The following CCDC175 variants were observed in gnomAD, a reference collection of about 807,000 sequenced individuals.
CCDC175 encodes the protein coiled-coil domain-containing protein 175.
Under a neutral mutation model 114.6 loss-of-function variants are expected in CCDC175, and 100 were observed. The observed-to-expected ratio is 0.87, with a 90% confidence interval of 0.74 to 1.03. The LOEUF (loss-of-function observed/expected upper bound fraction) is 1.03. Ranked by LOEUF, CCDC175 falls within the 50% of genes least tolerant of loss-of-function variation. CCDC175 has a pLI of 0.00. For synonymous variants in CCDC175, 306 were observed against 308.7 expected (o/e 0.99, Z 0.09); for missense variants, 880 against 917.8 (o/e 0.96, Z 0.53).
At chr14:59,533,804 T>C (rs1040888781) in intron 13 of CCDC175, among the ~76,000 whole-genome samples, 1 of 151,758 alleles carries the variant, frequency 6.6e-6, no homozygotes, top group Non-Finnish European at 1.5e-5. Flanking sequence ...CTGGCTAACA[T>C]GGTGAAACCC....
At chr14:59,517,365 A>C (rs960031335) in intron 17 of CCDC175, among the ~76,000 whole-genome samples, 9 of 152,226 alleles carry the variant, frequency 5.9e-5, no homozygotes, top group African/African-American at 2.2e-4. Flanking sequence ...AATTAGCAAA[A>C]GAGGAAATCC....
chr14:59,518,298 A>C (rs1051583894), intron 17 of CCDC175, among the ~76,000 whole-genome samples: 19 of 152,228 alleles, frequency 1.2e-4, no homozygotes, highest in Admixed American at 3.9e-4. Flanking sequence ...AAGCAATGGC[A>C]ACAAAAGCCA....
At chr14:59,529,487 G>A (rs1893937833) in intron 14 of CCDC175, among the ~76,000 whole-genome samples, 1 of 152,144 alleles carries the variant, frequency 6.6e-6, no homozygotes, top group South Asian at 2.1e-4. Flanking sequence ...CATCTCAGCT[G>A]TCATAGTTTC....
In CCDC175 at chr14:59,572,804, T is replaced by C. The variant is rs1896911605; in HGVS notation, c.253A>G (p.Arg85Gly). 3.3e-6 allele frequency: 5 copies of C among 1,498,224 alleles called. No individual in the cohort carries two copies. Among genetic ancestry groups the C allele is most frequent in the Non-Finnish European group, 4.4e-6 (5 of 1,134,270 alleles). 92.8% of individuals were successfully genotyped at this position (1,498,224 alleles called of 1,614,324 possible). A position where few individuals can be genotyped will look rare whatever the true frequency, so the allele number is the denominator to read the frequency against. The change falls in exon 3 of 20, where the codon AGA (arginine) becomes GGA (glycine). Residue 85 changes from arginine (R) to glycine (G), a missense_variant. Transcript: ENST00000537690. Reference sequence around the variant, plus strand: ...TCCAAAAGATCGATTGTGGCTTTTCTCATTTCTTCCTGAAAATTTAAATTA... The same window carrying C: ...TCCAAAAGATCGATTGTGGCTTTTCCCATTTCTTCCTGAAAATTTAAATTA... ...AVAVKKLEEM[R>G]KATIDLLEIE...
At chr14:59,525,658 C>T (rs1385360475) in intron 15 of CCDC175, among the ~76,000 whole-genome samples, 1 of 152,094 alleles carries the variant, frequency 6.6e-6, no homozygotes, top group Non-Finnish European at 1.5e-5. Flanking sequence ...GACCTTGAGA[C>T]AACTTCACAA....
At chr14:59,551,143 A>T in intron 8 of CCDC175, 1 of 348,034 alleles carries the variant, frequency 2.9e-6, no homozygotes, top group Non-Finnish European at 5.1e-6. Context: ...GTTACCAAAA[A>T]ACAGTTCCTC....
chr14:59,562,632 G>A (rs1257966769), intron 6 of CCDC175, among the ~76,000 whole-genome samples: 1 of 152,110 alleles, frequency 6.6e-6, no homozygotes, highest in Non-Finnish European at 1.5e-5. Flanking sequence ...AGGACCCGGA[G>A]GCAAATTTAC....
chr14:59,522,273 A>G (rs996725708), intron 16 of CCDC175, among the ~76,000 whole-genome samples: 10 of 152,368 alleles, frequency 6.6e-5, no homozygotes, highest in Admixed American at 2.0e-4. Flanking sequence ...GTCCAGTTTC[A>G]AGAAAGAAAC....
intron 6 of CCDC175, 40 bp from the exon 7 acceptor site, chr14:59,561,268 C>G (rs771600976): frequency 1.7e-4 from 179 of 1,080,316 alleles, no homozygotes; most frequent in Non-Finnish European, 2.3e-4. Flanking sequence ...CCAATCATCA[C>G]CAAGTGATTC....
At chr14:59,569,009 G>T (rs1896710928) in intron 3 of CCDC175, among the ~76,000 whole-genome samples, 1 of 152,302 alleles carries the variant, frequency 6.6e-6, no homozygotes, top group South Asian at 2.1e-4. Context: ...CTCAGGCTCT[G>T]CTTTTTGGGG....
intron 1 of CCDC175, among the ~76,000 whole-genome samples, chr14:59,576,048 A>C (rs770615989): frequency 6.6e-6 from 1 of 152,172 alleles, no homozygotes; most frequent in South Asian, 2.1e-4. Context: ...GTCTTACCTT[A>C]AGCTTAAGTG....
In CCDC175 at chr14:59,576,664, C is replaced by A. The variant is rs1897141172; in HGVS notation, c.112G>T (p.Gly38Cys). Residue 38 changes from glycine to cysteine, a missense_variant, in exon 1 of 20, where the codon GGC (glycine) becomes TGC (cysteine). Physicochemically the swap from Gly to Cys is radical, Grantham distance 159 (BLOSUM62 -3). Coordinates refer to ENST00000537690, the MANE Select transcript of CCDC175 (RefSeq NM_001164399.2). ...AGCGCCTCGACCGCGACCGAGGAGCCCAGGGTGGAGGGTAAGGTGCATAAC... is the reference window on the plus strand; with the variant it reads ...AGCGCCTCGACCGCGACCGAGGAGCACAGGGTGGAGGGTAAGGTGCATAAC... ...LELCTLPSTL[G>C]SSVAVEALEQ... 1 of 1,481,892 alleles carries A rather than the reference C, an allele frequency of 6.7e-7. No individual in the cohort carries two copies. Among genetic ancestry groups the A allele is most frequent in the African/African-American group, 1.5e-5 (1 of 68,786 alleles). The allele number at this position is 1,481,892 out of a possible 1,614,324, so 91.8% of individuals were successfully genotyped here. A position where few individuals can be genotyped will look rare whatever the true frequency, so the allele number is the denominator to read the frequency against.
chr14:59,518,259 G>C (rs1446829303), intron 17 of CCDC175, among the ~76,000 whole-genome samples: 3 of 152,090 alleles, frequency 2.0e-5, no homozygotes, highest in African/African-American at 7.2e-5. Flanking sequence ...ACATAGGCAT[G>C]GGCAAGGACT....
intron 7 of CCDC175, among the ~76,000 whole-genome samples, chr14:59,556,017 T>C (rs1165117026): frequency 6.6e-6 from 1 of 152,124 alleles, no homozygotes; most frequent in African/African-American, 2.4e-5. Context: ...GTAGAATCAA[T>C]ATCATGAAAA....
At chr14:59,566,784 A>G (rs1896573124) in intron 4 of CCDC175, among the ~76,000 whole-genome samples, 1 of 152,178 alleles carries the variant, frequency 6.6e-6, no homozygotes, top group Non-Finnish European at 1.5e-5. Flanking sequence ...GAGTCTGTGA[A>G]CACTTTGATA....
At chr14:59,532,133 T>C (rs919622414) in intron 13 of CCDC175, among the ~76,000 whole-genome samples, 41 of 152,194 alleles carry the variant, frequency 2.7e-4, no homozygotes, top group Non-Finnish European at 2.4e-4. Context: ...TTAGATTCAA[T>C]TGGTTCTCTA....
At chr14:59,557,630 A>AG (rs1026962374) in intron 7 of CCDC175, among the ~76,000 whole-genome samples, 3 of 101,286 alleles carry the variant, frequency 3.0e-5, no homozygotes, top group African/African-American at 8.3e-5. Context: ...AAAAAGAAAA[A>AG]GAAAAAAAAA....
At chr14:59,514,570 T>C (rs1257149943) in intron 17 of CCDC175, among the ~76,000 whole-genome samples, 1 of 152,112 alleles carries the variant, frequency 6.6e-6, no homozygotes, top group Non-Finnish European at 1.5e-5. Context: ...CTATCAGTGA[T>C]GGAAGATCAA....
At chr14:59,517,553 G>C (rs1377271097) in intron 17 of CCDC175, among the ~76,000 whole-genome samples, 4 of 152,298 alleles carry the variant, frequency 2.6e-5, no homozygotes. Context: ...CAAATCGTGA[G>C]TGAACTCCCA....
Sources: allele counts gnomAD v4.1 joint callset (sites outside exome capture counted in the v4.1 genomes callset), GRCh38; gene constraint gnomAD v4.1.1; transcripts MANE v1.5; gene names NCBI Gene and HGNC (gene_info 2026-07-23, HGNC 2026-07-21).